Variants in TANC2 observed in about 807,000 individuals in gnomAD.
TANC2 encodes protein TANC2.
TANC2 carries 26 observed loss-of-function variants against 210.5 expected under a neutral mutation model. The ratio of observed to expected loss-of-function variants is 0.12; its 90% confidence interval spans 0.09 to 0.17. The LOEUF (loss-of-function observed/expected upper bound fraction) is 0.17, where lower values mean the gene tolerates loss of function less well. Among genes scored for constraint, TANC2 ranks in the 10% least tolerant of loss-of-function variants. TANC2 has a pLI of 1.00. For missense variants in TANC2, 2,129 were observed against 2,608.9 expected (o/e 0.82, Z 4.01); for synonymous variants, 931 against 967.1 (o/e 0.96, Z 0.69).
intron 8 of TANC2, among the ~76,000 whole-genome samples, chr17:63,262,015 A>T (rs1362236210): frequency 6.6e-6 from 1 of 152,224 alleles, no homozygotes; most frequent in Non-Finnish European, 1.5e-5. Context: ...GTTATCTAAA[A>T]ACTAAATTGG....
At chr17:63,383,937 A>G (rs938835020) in intron 15 of TANC2, among the ~76,000 whole-genome samples, 5 of 152,184 alleles carry the variant, frequency 3.3e-5, no homozygotes, top group Admixed American at 2.6e-4. Flanking sequence ...AAAAATCACT[A>G]TTCCACATCA....
intron 2 of TANC2, among the ~76,000 whole-genome samples, chr17:63,031,079 G>A (rs1208681256): frequency 1.3e-5 from 2 of 149,420 alleles, no homozygotes; most frequent in African/African-American, 2.5e-5. Flanking sequence ...CCAAACTATA[G>A]GATTTTAGTA....
At chr17:63,079,085 A>G (rs2036674010) in intron 3 of TANC2, among the ~76,000 whole-genome samples, 1 of 152,032 alleles carries the variant, frequency 6.6e-6, no homozygotes, top group African/African-American at 2.4e-5. Flanking sequence ...TTCCTCAGAG[A>G]TTTATGTGTC....
At chr17:63,081,854 T>C (rs1568368885) in intron 3 of TANC2, among the ~76,000 whole-genome samples, 1 of 152,092 alleles carries the variant, frequency 6.6e-6, no homozygotes, top group African/African-American at 2.4e-5. Context: ...AGAAAAGGAA[T>C]AAAAGCATGA....
At chr17:63,246,253 T>TTTG (rs200189726) in intron 8 of TANC2, among the ~76,000 whole-genome samples, 27 of 150,120 alleles carry the variant, frequency 1.8e-4, no homozygotes, top group Admixed American at 1.7e-3. Context: ...CTTTTTTTTT[T>TTTG]GTTTTTTTTT....
exon 10 of TANC2, chr17:63,314,587 C>T: frequency 6.2e-7 from 1 of 1,613,980 alleles, no homozygotes; most frequent in Non-Finnish European, 8.5e-7. Flanking sequence ...AAACTGCCAT[C>T]ATCTCCAGAC....
At chr17:63,316,877 C>G (rs544068006) in intron 10 of TANC2, among the ~76,000 whole-genome samples, 1 of 152,064 alleles carries the variant, frequency 6.6e-6, no homozygotes, top group African/African-American at 2.4e-5. Flanking sequence ...GCAGGAGCAG[C>G]AGTTTTTTCA....
At chr17:63,140,979 A>G in intron 4 of TANC2, among the ~76,000 whole-genome samples, 1 of 151,814 alleles carries the variant, frequency 6.6e-6, no homozygotes, top group East Asian at 2.0e-4. Context: ...TGAACTCCTG[A>G]CCTCAAGTGA....
intron 7 of TANC2, among the ~76,000 whole-genome samples, chr17:63,208,835 G>A (rs1419898765): frequency 6.6e-6 from 1 of 152,068 alleles, no homozygotes; most frequent in Admixed American, 6.5e-5. Flanking sequence ...AATATGTAGA[G>A]ATTTGTGTAT....
At position 63,262,157 on chromosome 17, in the gene TANC2, G is replaced by A. The variant is rs73325714; in HGVS notation, c.1034-5591G>A. 5.2e-3 allele frequency among the ~76,000 whole-genome samples: 790 copies of A among 152,120 alleles called. 8 individuals carry two copies. The highest frequency in any genetic ancestry group is 0.017 in the African/African-American group (725 of 41,486). ...CAAAATATGCATAGCTGCTATAGTC[G>A]TCATTTCTGTAGCTAGTTATGAAAC... On this transcript the variant is annotated intron_variant, in intron 8 of 27. Coordinates refer to ENST00000689528, the Ensembl canonical transcript of TANC2.
At chr17:63,047,166 G>T (rs1166265673) in intron 2 of TANC2, among the ~76,000 whole-genome samples, 2 of 152,140 alleles carry the variant, frequency 1.3e-5, no homozygotes, top group East Asian at 3.9e-4. Flanking sequence ...TGTTTTTCAG[G>T]TGTCTGCTTT....
chr17:63,216,641 AGAATTCATAT>A (rs1196227375), intron 7 of TANC2, among the ~76,000 whole-genome samples: 1 of 152,206 alleles, frequency 6.6e-6, no homozygotes, highest in Non-Finnish European at 1.5e-5. Context: ...AGTTAGTGTT[AGAATTCATAT>A]GAATCGTAGG....
exon 28 of TANC2, chr17:63,425,152 C>T (rs1183801281): frequency 6.6e-6 from 1 of 152,148 alleles, no homozygotes; most frequent in African/African-American, 2.4e-5. Context: ...ATTAAAGTCC[C>T]AAGTTAATAG....
chr17:63,099,355 C>T, exon 4 of TANC2: 2 of 1,509,816 alleles, frequency 1.3e-6, no homozygotes, highest in Non-Finnish European at 1.8e-6. Context: ...AAGAAGTTAA[C>T]TGGTAAGGAC....
chr17:63,404,854 G>A (rs2048452195), intron 19 of TANC2, among the ~76,000 whole-genome samples: 1 of 152,150 alleles, frequency 6.6e-6, no homozygotes, highest in Non-Finnish European at 1.5e-5. Flanking sequence ...AGTCTGGTTA[G>A]GAAAAATGAA....
Position 63,308,887 on chromosome 17 carries a change from T to A in TANC2, c.1160-5501T>A, listed in dbSNP as rs73994429. Among the ~76,000 whole-genome samples, 198 of 152,236 alleles carry A rather than the reference T, an allele frequency of 1.3e-3. 2 individuals are homozygous for A. The highest frequency in any genetic ancestry group is 3.5e-3 in the African/African-American group (145 of 41,552). On this transcript the variant is annotated intron_variant, in intron 9 of 27. Coordinates refer to ENST00000689528, the Ensembl canonical transcript of TANC2. ...TAATATTCCTATTGAAAAATTTTTTTAAAAAAATTATAATTAAAGATATAA... is the reference window on the plus strand; with the variant it reads ...TAATATTCCTATTGAAAAATTTTTTAAAAAAAATTATAATTAAAGATATAA...
chr17:63,217,009 A>G (rs981131473), intron 7 of TANC2, among the ~76,000 whole-genome samples: 2 of 152,248 alleles, frequency 1.3e-5, no homozygotes, highest in Non-Finnish European at 1.5e-5. Context: ...AAATTTAACA[A>G]TATTTTAAAT....
chr17:63,259,176 C>T (rs1356272389), intron 8 of TANC2, among the ~76,000 whole-genome samples: 1 of 152,212 alleles, frequency 6.6e-6, no homozygotes, highest in African/African-American at 2.4e-5. Flanking sequence ...CCCTATTCTA[C>T]TGTGGCTAAG....
intron 15 of TANC2, among the ~76,000 whole-genome samples, chr17:63,384,162 T>G (rs1293417141): frequency 6.6e-6 from 1 of 152,126 alleles, no homozygotes; most frequent in Non-Finnish European, 1.5e-5. Flanking sequence ...CTTGAACTCC[T>G]GGGCTCAAGC....
Sources: gnomAD v4.1 joint callset for allele counts (sites outside exome capture counted in the v4.1 genomes callset) on GRCh38, gnomAD v4.1.1 for gene constraint, MANE v1.5 for transcripts, NCBI Gene and HGNC (gene_info 2026-07-23, HGNC 2026-07-21) for gene names.